Variants in LRMDA observed in about 807,000 individuals in gnomAD.
LRMDA encodes leucine-rich melanocyte differentiation-associated protein.
LRMDA carries 18 observed loss-of-function variants against 29.8 expected under a neutral mutation model. The ratio of observed to expected loss-of-function variants is 0.60; its 90% CI spans 0.42 to 0.90. The LOEUF (loss-of-function observed/expected upper bound fraction) is 0.90, where lower values mean the gene tolerates loss of function less well. LRMDA is among the 40% of genes least tolerant of loss of function. The pLI, the probability that LRMDA is intolerant of heterozygous loss-of-function variation, is 0.00. For synonymous variants in LRMDA, 125 were observed against 109.4 expected (o/e 1.14, Z -0.89); for missense variants, 273 against 273.9 (o/e 1.00, Z 0.02).
At chr10:76,363,017 C>G (rs1187429691) in intron 6 of LRMDA, among the ~76,000 whole-genome samples, 1 of 150,616 alleles carries the variant, frequency 6.6e-6, no homozygotes, top group African/African-American at 2.5e-5. Flanking sequence ...TTACTCAATG[C>G]CTGCAAAATA....
chr10:75,806,912 C>T (rs1361352507), intron 2 of LRMDA, among the ~76,000 whole-genome samples: 2 of 152,056 alleles, frequency 1.3e-5, no homozygotes, highest in Non-Finnish European at 2.9e-5. Context: ...AGTGCTTCTC[C>T]TTTCTGCATC....
chr10:75,450,948 G>A (rs1164493440), intron 2 of LRMDA: 3 of 152,250 alleles, frequency 2.0e-5, no homozygotes, highest in South Asian at 2.1e-4. Context: ...AAATCACCTT[G>A]TGGCAGCTGG....
At chr10:76,539,564 A>G (rs931214583) in intron 6 of LRMDA, among the ~76,000 whole-genome samples, 2 of 152,156 alleles carry the variant, frequency 1.3e-5, no homozygotes, top group East Asian at 1.9e-4. Context: ...AGGCACCCCT[A>G]CTTCCCCAGG....
intron 6 of LRMDA, among the ~76,000 whole-genome samples, chr10:76,371,650 C>T (rs1159875998): frequency 1.3e-5 from 2 of 152,136 alleles, no homozygotes; most frequent in Non-Finnish European, 2.9e-5. Context: ...CTGGCACCAT[C>T]AAGAGCTTGC....
At chr10:76,492,970 C>T (rs780054701) in intron 6 of LRMDA, among the ~76,000 whole-genome samples, 3 of 151,984 alleles carry the variant, frequency 2.0e-5, no homozygotes, top group Non-Finnish European at 4.4e-5. Context: ...CCATATCAGA[C>T]CTGAAGCCAG....
chr10:75,846,933 C>A (rs1006902467), intron 2 of LRMDA, among the ~76,000 whole-genome samples: 1 of 151,996 alleles, frequency 6.6e-6, no homozygotes, highest in African/African-American at 2.4e-5. Flanking sequence ...CAATACTACC[C>A]AAAACAATCT....
chr10:75,772,300 G>A (rs1308896986), intron 2 of LRMDA, among the ~76,000 whole-genome samples: 1 of 152,138 alleles, frequency 6.6e-6, no homozygotes, highest in Non-Finnish European at 1.5e-5. Flanking sequence ...CAGTATTTAA[G>A]TCAGTCTTAT....
intron 5 of LRMDA, among the ~76,000 whole-genome samples, chr10:76,149,610 C>T (rs1307687956): frequency 1.3e-5 from 2 of 152,106 alleles, no homozygotes; most frequent in Non-Finnish European, 2.9e-5. Context: ...AAATAAAAGC[C>T]TACAAATTTT....
At chr10:76,447,191 A>G (rs368996269) in intron 6 of LRMDA, among the ~76,000 whole-genome samples, 16 of 152,086 alleles carry the variant, frequency 1.1e-4, no homozygotes, top group Admixed American at 2.6e-4. Flanking sequence ...GGAGATTTCA[A>G]TTATATTATT....
At chr10:76,351,067 A>T (rs1017067233) in intron 6 of LRMDA, among the ~76,000 whole-genome samples, 3 of 152,102 alleles carry the variant, frequency 2.0e-5, no homozygotes, top group Non-Finnish European at 2.9e-5. Context: ...AAAGAATCAT[A>T]AAAAAATACT....
At chr10:76,203,616 T>A (rs1851472677) in intron 5 of LRMDA, among the ~76,000 whole-genome samples, 1 of 152,220 alleles carries the variant, frequency 6.6e-6, no homozygotes, top group Non-Finnish European at 1.5e-5. Flanking sequence ...AAATCTCTAT[T>A]CTTGCCCTGA....
chr10:75,648,997 A>G (rs990810186), intron 2 of LRMDA, among the ~76,000 whole-genome samples: 1 of 152,212 alleles, frequency 6.6e-6, no homozygotes, highest in Non-Finnish European at 1.5e-5. Flanking sequence ...ACCATTTTAA[A>G]GTATACAGTT....
At chr10:76,540,931 A>G (rs1843346730) in intron 6 of LRMDA, among the ~76,000 whole-genome samples, 1 of 152,218 alleles carries the variant, frequency 6.6e-6, no homozygotes, top group Non-Finnish European at 1.5e-5. Context: ...ATGCTTGACA[A>G]TACCTGCACA....
intron 2 of LRMDA, among the ~76,000 whole-genome samples, chr10:75,575,962 A>G (rs927843377): frequency 2.0e-5 from 3 of 147,542 alleles, no homozygotes; most frequent in Non-Finnish European, 4.5e-5. Flanking sequence ...AGCTAGCCAC[A>G]GGAGTTTTTT....
chr10:76,504,468 T>C (rs552190760), intron 6 of LRMDA, among the ~76,000 whole-genome samples: 2 of 152,024 alleles, frequency 1.3e-5, no homozygotes, highest in South Asian at 4.2e-4. Flanking sequence ...GGTCTTCTTG[T>C]AGTTGTTTTA....
In LRMDA at chr10:76,557,163, A is replaced by G. The variant is rs1282307705; in HGVS notation, c.602-46A>G. The stretch of plus-strand genomic sequence containing the variant: ...TTTTCAGCACCTGTGTTTCCCTGCT[A>G]TGCTAAGTGTGCCACCTGTAATGAT... On this transcript the variant is annotated intron_variant, in intron 6 of 6. Coordinates refer to ENST00000611255, the MANE Select transcript of LRMDA (RefSeq NM_001305581.2). 4.7e-6 allele frequency: 7 copies of G among 1,474,148 alleles called. No individual in the cohort carries two copies. In the South Asian group the frequency reaches 5.7e-5, roughly 12 times the overall value. The allele number at this position is 1,474,148 out of a possible 1,614,324, so 91.3% of individuals were successfully genotyped here.
chr10:76,006,734 A>G (rs1847669656), intron 2 of LRMDA, among the ~76,000 whole-genome samples: 1 of 152,134 alleles, frequency 6.6e-6, no homozygotes, highest in Non-Finnish European at 1.5e-5. Flanking sequence ...GGGGAATCGA[A>G]ATTATTAGCA....
At chr10:76,124,997 T>C (rs1849855365) in intron 5 of LRMDA, among the ~76,000 whole-genome samples, 1 of 152,252 alleles carries the variant, frequency 6.6e-6, no homozygotes, top group South Asian at 2.1e-4. Context: ...ACATTTCTAC[T>C]TAACTAAGAA....
intron 2 of LRMDA, among the ~76,000 whole-genome samples, chr10:75,931,574 T>C (rs1025339237): frequency 6.6e-6 from 1 of 152,188 alleles, no homozygotes; most frequent in Non-Finnish European, 1.5e-5. Context: ...TTACTGATGT[T>C]ATAAGTCAAG....
Sources: allele counts gnomAD v4.1 joint callset (sites outside exome capture counted in the v4.1 genomes callset), GRCh38; gene constraint gnomAD v4.1.1; transcripts MANE v1.5; gene names NCBI Gene and HGNC (gene_info 2026-07-23, HGNC 2026-07-21).